The following MBD5 variants were observed in gnomAD, a reference collection of about 807,000 sequenced individuals.
The protein encoded by MBD5 is methyl-CpG-binding domain protein 5.
MBD5 carries 13 observed loss-of-function variants against 117.3 expected under a neutral mutation model. That is an observed-to-expected ratio of 0.11 (90% CI 0.07 to 0.18). The LOEUF (loss-of-function observed/expected upper bound fraction) is 0.18, where lower values mean the gene tolerates loss of function less well. MBD5 is among the 10% of genes least tolerant of loss of function. The pLI is 1.00. For missense variants in MBD5, 1,879 were observed against 2,093.8 expected (o/e 0.90, Z 2.00); for synonymous variants, 727 against 766.4 (o/e 0.95, Z 0.85).
At chr2:148,138,428 C>T (rs1313549528) in intron 1 of MBD5, among the ~76,000 whole-genome samples, 3 of 152,038 alleles carry the variant, frequency 2.0e-5, no homozygotes, top group East Asian at 3.9e-4. Context: ...GGAATTTTGC[C>T]GAGATTCATT....
At chr2:148,383,974 G>A (rs1704251740) in intron 4 of MBD5, among the ~76,000 whole-genome samples, 1 of 152,166 alleles carries the variant, frequency 6.6e-6, no homozygotes, top group Non-Finnish European at 1.5e-5. Flanking sequence ...AATAATGAGA[G>A]TTATCTATGA....
At chr2:148,317,130 C>T (rs947894542) in intron 3 of MBD5, among the ~76,000 whole-genome samples, 2 of 152,138 alleles carry the variant, frequency 1.3e-5, no homozygotes, top group Admixed American at 6.5e-5. Context: ...GGGTGGATCA[C>T]CTGAGGTCGG....
chr2:148,374,040 T>C (rs1703924959), intron 4 of MBD5, among the ~76,000 whole-genome samples: 1 of 152,130 alleles, frequency 6.6e-6, no homozygotes, highest in Non-Finnish European at 1.5e-5. Context: ...GCTGCTGAAC[T>C]GATAAGTATA....
chr2:148,153,359 G>T (rs1470080847), intron 1 of MBD5, among the ~76,000 whole-genome samples: 3 of 151,584 alleles, frequency 2.0e-5, no homozygotes, highest in Admixed American at 1.3e-4. Flanking sequence ...CTTTCTCTCT[G>T]GCTGCCCTTA....
chr2:148,269,308 AT>A (rs752948971), intron 3 of MBD5, among the ~76,000 whole-genome samples: 17 of 150,778 alleles, frequency 1.1e-4, no homozygotes, highest in Non-Finnish European at 1.5e-4. Context: ...ATATATTTTA[AT>A]TTTTTTTAAT....
intron 4 of MBD5, among the ~76,000 whole-genome samples, chr2:148,449,872 G>A (rs1391648172): frequency 2.6e-5 from 4 of 151,818 alleles, no homozygotes; most frequent in East Asian, 1.9e-4. Context: ...AGTATTTTCC[G>A]TGATTATAGA....
chr2:148,105,225 T>C (rs1023721308), intron 1 of MBD5, among the ~76,000 whole-genome samples: 2 of 150,694 alleles, frequency 1.3e-5, no homozygotes, highest in African/African-American at 4.9e-5. Flanking sequence ...TTCTTTCTTT[T>C]TTTTTTTTTT....
intron 4 of MBD5, among the ~76,000 whole-genome samples, chr2:148,371,631 T>C (rs1703855833): frequency 6.6e-6 from 1 of 152,102 alleles, no homozygotes; most frequent in Non-Finnish European, 1.5e-5. Flanking sequence ...ATTAATAACT[T>C]AGAGTGGAAA....
intron 4 of MBD5, among the ~76,000 whole-genome samples, chr2:148,343,571 T>G (rs1348081456): frequency 1.3e-5 from 2 of 152,158 alleles, no homozygotes; most frequent in African/African-American, 2.4e-5. Flanking sequence ...CTTGTATATC[T>G]TCTTTTGAAA....
At chr2:148,166,639 A>G (rs1187297947) in intron 1 of MBD5, among the ~76,000 whole-genome samples, 2 of 151,994 alleles carry the variant, frequency 1.3e-5, no homozygotes, top group African/African-American at 4.8e-5. Context: ...TCTGCCTCTC[A>G]TTTAATTCTT....
intron 4 of MBD5, among the ~76,000 whole-genome samples, chr2:148,438,001 C>A (rs538041318): frequency 6.6e-6 from 1 of 152,142 alleles, no homozygotes; most frequent in African/African-American, 2.4e-5. Context: ...GAGGAAGTTT[C>A]AACATTTTAT....
intron 3 of MBD5, among the ~76,000 whole-genome samples, chr2:148,329,912 T>A (rs1702587640): frequency 1.3e-5 from 2 of 152,132 alleles, no homozygotes; most frequent in African/African-American, 4.8e-5. Context: ...AGTTACCATT[T>A]GCATGCTGCT....
rs369511519 is a variant in MBD5, at chr2:148,368,608, G to A, written c.-557+26272G>A. Among the ~76,000 whole-genome samples, 17 of 152,134 alleles carry A rather than the reference G, an allele frequency of 1.1e-4. No individual in the cohort carries two copies. The East Asian group carries it at 2.9e-3, about 26-fold the overall frequency. ...ACTCCAACTGAAGCAGTACTAAGGC[G>A]GTCTTGTGTTAACGTAGTCCCAGCA... On this transcript the variant is annotated intron_variant, in intron 4 of 13. Coordinates refer to ENST00000642680, the MANE Select transcript of MBD5 (RefSeq NM_001378120.1).
intron 1 of MBD5, among the ~76,000 whole-genome samples, chr2:148,107,954 A>C (rs549090667): frequency 2.4e-4 from 37 of 152,298 alleles, no homozygotes; most frequent in East Asian, 1.7e-3. Flanking sequence ...TTAATGTAGG[A>C]TCACTTTAAA....
At chr2:148,077,302 T>G (rs1695532692) in intron 1 of MBD5, among the ~76,000 whole-genome samples, 3 of 152,176 alleles carry the variant, frequency 2.0e-5, no homozygotes, top group Admixed American at 2.0e-4. Flanking sequence ...GCATCTTGAG[T>G]TGTCTTGTTA....
intron 2 of MBD5, among the ~76,000 whole-genome samples, chr2:148,220,401 C>G (rs773267421): frequency 9.2e-5 from 14 of 152,016 alleles, no homozygotes; most frequent in Non-Finnish European, 1.3e-4. Flanking sequence ...AAAAACAAAA[C>G]AAATCTTTGT....
chr2:148,283,585 G>A (rs1466144957), intron 3 of MBD5, among the ~76,000 whole-genome samples: 1 of 152,094 alleles, frequency 6.6e-6, no homozygotes, highest in Admixed American at 6.5e-5. Context: ...ACCTGTAGTG[G>A]AATATGCCAA....
At chr2:148,446,287 T>G (rs909700015) in intron 4 of MBD5, among the ~76,000 whole-genome samples, 1 of 152,180 alleles carries the variant, frequency 6.6e-6, no homozygotes, top group Admixed American at 6.6e-5. Flanking sequence ...AAGTCTTTAA[T>G]CCATCTTGAA....
At chr2:148,104,252 C>G (rs1444796198) in intron 1 of MBD5, among the ~76,000 whole-genome samples, 1 of 152,064 alleles carries the variant, frequency 6.6e-6, no homozygotes, top group East Asian at 1.9e-4. Context: ...TCCTTAGCAG[C>G]TAATCTTGTA....
Sources: gnomAD v4.1 joint callset for allele counts (sites outside exome capture counted in the v4.1 genomes callset) on GRCh38, gnomAD v4.1.1 for gene constraint, MANE v1.5 for transcripts, NCBI Gene and HGNC (gene_info 2026-07-23, HGNC 2026-07-21) for gene names.